Variants in MCM8 observed in about 807,000 individuals in gnomAD.
MCM8 encodes the protein minichromosome maintenance 8 homologous recombination repair factor, also known as DNA helicase MCM8.
Under a neutral mutation model 98.9 loss-of-function variants are expected in MCM8, and 85 were observed. The observed-to-expected ratio is 0.86, with a 90% CI of 0.72 to 1.03. The LOEUF is 1.03. MCM8 is among the 50% of genes least tolerant of loss of function. The pLI is 0.00. For missense variants in MCM8, 951 were observed against 997.8 expected, an observed-to-expected ratio of 0.95 and a Z score of 0.63; for synonymous variants, 352 against 338.6, an observed-to-expected ratio of 1.04 and a Z score of -0.44.
At chr20:5,954,722 A>C in intron 4 of MCM8, 32 bp downstream of exon 4, 1 of 1,274,052 alleles carries the variant, frequency 7.8e-7, no homozygotes, top group Non-Finnish European at 1.1e-6. Flanking sequence ...GCTACCAGTC[A>C]TGTGCCATCT....
At chr20:5,978,863 C>A (rs1304833127) in intron 13 of MCM8, among the ~76,000 whole-genome samples, 2 of 152,194 alleles carry the variant, frequency 1.3e-5, no homozygotes, top group African/African-American at 4.8e-5. Context: ...CACACCTGGC[C>A]TACTTCAGAA....
Position 5,957,107 on chromosome 20 carries a change from A to T in MCM8, c.487-19A>T, listed in dbSNP as rs1210360765. The T allele has an allele frequency of 1.3e-6, 2 of 1,557,424 alleles. No individual in the cohort carries two copies. The highest frequency in any genetic ancestry group is 1.7e-4 in the Middle Eastern group (1 of 5,932). On this transcript the variant is annotated intron_variant, in intron 5 of 18. Coordinates refer to ENST00000610722, the MANE Select transcript of MCM8 (RefSeq NM_032485.6). Reference sequence around the variant, plus strand: ...ATGTTTTGTTTTCCAACTTCAGAGTAAATGTCTGTCCTGTTTAGGTGTTAA... The same window carrying T: ...ATGTTTTGTTTTCCAACTTCAGAGTTAATGTCTGTCCTGTTTAGGTGTTAA...
In MCM8 at chr20:5,994,585, A is replaced by C; in HGVS notation, c.*194A>C. 1 of 550,668 alleles carries C rather than the reference A, an allele frequency of 1.8e-6. No homozygotes were observed. The highest frequency in any genetic ancestry group is 2.3e-5 in the South Asian group (1 of 43,946). The allele number at this position is 550,668 out of a possible 1,614,324, so 34.1% of individuals were successfully genotyped here. On this transcript the variant is annotated 3_prime_UTR_variant, in exon 19 of 19. Transcript: ENST00000610722. Reference sequence around the variant, plus strand: ...GTATTATAATAGGAAAAAAGCATTAAATATAATAAACTAATTTAAGAAGTG... The same window carrying C: ...GTATTATAATAGGAAAAAAGCATTACATATAATAAACTAATTTAAGAAGTG...
intron 10 of MCM8, among the ~76,000 whole-genome samples, chr20:5,969,436 A>G (rs1259887905): frequency 1.3e-5 from 2 of 152,086 alleles, no homozygotes; most frequent in Non-Finnish European, 2.9e-5. Context: ...TACTAAAAAT[A>G]GAAAAATTAG....
chr20:5,957,643 TAG>T (rs1347065175), intron 6 of MCM8, among the ~76,000 whole-genome samples: 25 of 152,206 alleles, frequency 1.6e-4, no homozygotes, highest in Non-Finnish European at 2.2e-4. Flanking sequence ...ATTTTTGAAT[TAG>T]AGATACTCAA....
intron 8 of MCM8, among the ~76,000 whole-genome samples, 166 bp downstream of exon 8, chr20:5,963,525 C>CTTTT (rs34718923): frequency 1.8e-4 from 20 of 110,422 alleles, no homozygotes; most frequent in Non-Finnish European, 2.8e-4. Context: ...TAAAATAATT[C>CTTTT]TTTTTTTTTT....
Position 5,967,984 on chromosome 20 carries a change from A to G in MCM8, c.1182A>G (p.Gln394=), listed in dbSNP as rs762004999. 7.4e-6 allele frequency: 12 copies of G among 1,612,950 alleles called. No individual in the cohort carries two copies. Among genetic ancestry groups the G allele is most frequent in the Non-Finnish European group, 9.3e-6 (11 of 1,179,726 alleles). Reference sequence around the variant, plus strand: ...CACTTAAAGACCTTTATGCCATCCAAGAGATTCAAGCTGAAGAAAACCTGT... The same window carrying G: ...CACTTAAAGACCTTTATGCCATCCAGGAGATTCAAGCTGAAGAAAACCTGT... The part of the protein sequence containing the change: ...EFSLKDLYAI[Q]EIQAEENLFK... The change falls in exon 10 of 19, where the codon CAA becomes CAG. Residue 394 remains glutamine (Q), a synonymous_variant. Transcript: ENST00000610722.
intron 3 of MCM8, among the ~76,000 whole-genome samples, chr20:5,953,217 G>C (rs1206088699): frequency 6.6e-6 from 1 of 152,204 alleles, no homozygotes; most frequent in African/African-American, 2.4e-5. Flanking sequence ...TCTGAGACAT[G>C]TAGGGTACAG....
intron 17 of MCM8, among the ~76,000 whole-genome samples, chr20:5,992,393 C>G (rs1204621692): frequency 6.6e-6 from 1 of 152,068 alleles, no homozygotes; most frequent in Non-Finnish European, 1.5e-5. Context: ...AAGAATAGTT[C>G]CTAAATCACA....
chr20:5,993,666 C>T lies in MCM8; in HGVS notation c.2401C>T (p.Arg801Trp), dbSNP rs147649536. The change falls in exon 18 of 19, where the codon CGG becomes TGG. Residue 801 changes from arginine to tryptophan, a missense_variant. Arg to Trp is a moderately radical substitution (Grantham distance 101). Coordinates refer to ENST00000610722, the MANE Select transcript of MCM8 (RefSeq NM_032485.6). ...TAATATATTTCAATTTCATCAACTTCGGCAGATTGCCAAAGAACTAAACAT... is the reference window on the plus strand; with the variant it reads ...TAATATATTTCAATTTCATCAACTTTGGCAGATTGCCAAAGAACTAAACAT... ...YNNIFQFHQL[R>W]QIAKELNIQV... The T allele has an allele frequency of 3.5e-5, 56 of 1,605,034 alleles. No individual in the cohort carries two copies. Among genetic ancestry groups the T allele is most frequent in the South Asian group, 1.1e-4 (10 of 89,736 alleles).
rs566302516 is a variant in MCM8, at chr20:5,996,491, G to A, written c.*2100G>A. ...AGATCGTACCACTGCACTCCAGCCT[G>A]GGCAACAGAGTGAGACTCTTTCTCC... On this transcript the variant is annotated 3_prime_UTR_variant, in exon 19 of 19. Transcript: ENST00000610722. 7 of 152,170 alleles carry A rather than the reference G, an allele frequency of 4.6e-5. No homozygotes were observed. The highest frequency in any genetic ancestry group is 1.7e-4 in the African/African-American group (7 of 41,498). The allele number at this position is 152,170 out of a possible 1,614,324, so 9.4% of individuals were successfully genotyped here.
chr20:5,955,712 T>G (rs1300128506), intron 5 of MCM8, among the ~76,000 whole-genome samples: 1 of 152,210 alleles, frequency 6.6e-6, no homozygotes, highest in Non-Finnish European at 1.5e-5. Context: ...TTGCCTGAGT[T>G]TTTTTTCAGG....
At chr20:5,957,101 C>G in intron 5 of MCM8, 25 bp from the exon 6 acceptor site, 1 of 1,518,580 alleles carries the variant, frequency 6.6e-7, no homozygotes, top group South Asian at 1.2e-5. Context: ...TTTCCAACTT[C>G]AGAGTAAATG....
intron 7 of MCM8, among the ~76,000 whole-genome samples, chr20:5,959,849 C>G (rs1019879321): frequency 2.5e-4 from 38 of 152,176 alleles, no homozygotes; most frequent in African/African-American, 9.2e-4. Flanking sequence ...CAGGCACGCG[C>G]CACCATGCCT....
At chr20:5,952,325 A>G (rs994277898) in intron 2 of MCM8, 99 bp from the exon 3 acceptor site, 30 of 1,554,646 alleles carry the variant, frequency 1.9e-5, no homozygotes, top group Non-Finnish European at 2.6e-5. Context: ...AAAACCCCTA[A>G]TTTGGATACT....
At chr20:5,958,873 G>C (rs1600247310) in intron 7 of MCM8, 147 bp downstream of exon 7, 1 of 751,912 alleles carries the variant, frequency 1.3e-6, no homozygotes, top group Admixed American at 3.0e-5. Context: ...AAATACTTCA[G>C]GGTAAGAAAA....
At position 5,967,926 on chromosome 20, in the gene MCM8, A is replaced by C. The variant is rs1241716506; in HGVS notation, c.1124A>C (p.Asp375Ala). ...SKGQKTKSSEDGCKHGMLMEF... is the reference protein window; with the variant it reads ...SKGQKTKSSEAGCKHGMLMEF... ...GGACAGAAAACAAAGAGTTCTGAGGATGGGTGTAAGCATGGAATGTTGATG... is the reference window on the plus strand; with the variant it reads ...GGACAGAAAACAAAGAGTTCTGAGGCTGGGTGTAAGCATGGAATGTTGATG... Residue 375 changes from aspartate (D) to alanine (A), a missense_variant, in exon 10 of 19, where the codon GAT becomes GCT. Physicochemically the swap from Asp to Ala is moderately radical, Grantham distance 126 (BLOSUM62 -2). Coordinates refer to ENST00000610722, the MANE Select transcript of MCM8 (RefSeq NM_032485.6). 4 of 1,613,970 alleles carry C rather than the reference A, an allele frequency of 2.5e-6. No homozygotes were observed. Among genetic ancestry groups the C allele is most frequent in the Non-Finnish European group, 3.4e-6 (4 of 1,179,956 alleles).
intron 15 of MCM8, 23 bp downstream of exon 15, chr20:5,985,023 T>C (rs750425410): frequency 2.5e-6 from 4 of 1,586,426 alleles, no homozygotes; most frequent in South Asian, 2.2e-5. Context: ...CTTCTCCTTA[T>C]TCAGTTTGGT....
Position 5,994,852 on chromosome 20 carries a change from T to G in MCM8, c.*461T>G. The G allele has an allele frequency of 2.7e-6, 1 of 371,756 alleles. No individual in the cohort carries two copies. The highest frequency in any genetic ancestry group is 5.3e-6 in the Non-Finnish European group (1 of 187,988). The allele number at this position is 371,756 out of a possible 1,614,324, so 23.0% of individuals were successfully genotyped here. On this transcript the variant is annotated 3_prime_UTR_variant, in exon 19 of 19. Transcript: ENST00000610722. ...TGAGCCCAGGAGTTTGAGGTTACAG[T>G]GAGCCACAATCACACCAATCACTGC... is the stretch of plus-strand genomic sequence containing the variant.
Sources: allele counts gnomAD v4.1 joint callset (sites outside exome capture counted in the v4.1 genomes callset), GRCh38; gene constraint gnomAD v4.1.1; transcripts MANE v1.5; gene names NCBI Gene and HGNC (gene_info 2026-07-23, HGNC 2026-07-21).